RBFOX1: variants seen among roughly 807,000 people sequenced by gnomAD.
RBFOX1 encodes RNA binding protein fox-1 homolog 1.
Under a neutral mutation model 57.7 loss-of-function variants are expected in RBFOX1, and 8 were observed. The observed-to-expected ratio is 0.14, with a 90% CI of 0.08 to 0.25. The LOEUF (loss-of-function observed/expected upper bound fraction) is 0.25. RBFOX1 is among the 10% of genes least tolerant of loss of function. The pLI, the probability that RBFOX1 is intolerant of heterozygous loss-of-function variation, is 1.00. For missense variants in RBFOX1, 611 were observed against 548.5 expected (o/e 1.11, Z -1.14); for synonymous variants, 326 against 222.4 (o/e 1.47, Z -4.15).
At chr16:5,459,792 C>T (rs1004395375) in intron 1 of RBFOX1, among the ~76,000 whole-genome samples, 5 of 152,102 alleles carry the variant, frequency 3.3e-5, no homozygotes, top group African/African-American at 1.2e-4. Context: ...AGCAAGTCCT[C>T]TTGATTCTGA....
chr16:7,153,683 G>A (rs1301851770), intron 4 of RBFOX1, among the ~76,000 whole-genome samples: 1 of 148,250 alleles, frequency 6.7e-6, no homozygotes, highest in African/African-American at 2.5e-5. Flanking sequence ...CCTGAAGTCG[G>A]AGGTTGCATT....
chr16:6,295,775 T>C (rs2078032870), intron 1 of RBFOX1, among the ~76,000 whole-genome samples: 1 of 152,296 alleles, frequency 6.6e-6, no homozygotes, highest in South Asian at 2.1e-4. Context: ...GAGGAAAACG[T>C]GCAGAGCCCG....
chr16:6,088,839 G>A (rs1459255766), intron 1 of RBFOX1, among the ~76,000 whole-genome samples: 1 of 152,140 alleles, frequency 6.6e-6, no homozygotes, highest in African/African-American at 2.4e-5. Context: ...GCTCATGCCT[G>A]TAATCCCAGC....
intron 4 of RBFOX1, among the ~76,000 whole-genome samples, chr16:7,495,979 A>G (rs1218559730): frequency 6.6e-6 from 1 of 152,200 alleles, no homozygotes; most frequent in Non-Finnish European, 1.5e-5. Context: ...GATTCTTAAT[A>G]AGTACTTCCA....
At chr16:7,015,367 A>G (rs953330428) in intron 3 of RBFOX1, among the ~76,000 whole-genome samples, 1 of 152,150 alleles carries the variant, frequency 6.6e-6, no homozygotes, top group Non-Finnish European at 1.5e-5. Context: ...TGGGCATCAG[A>G]ACCACCTCAG....
chr16:7,461,326 C>T (rs543944870), intron 4 of RBFOX1, among the ~76,000 whole-genome samples: 18 of 152,010 alleles, frequency 1.2e-4, no homozygotes, highest in African/African-American at 4.1e-4. Flanking sequence ...TGCCACCACA[C>T]CCGGCTAATT....
At chr16:7,062,891 C>T (rs1485113082) in intron 4 of RBFOX1, among the ~76,000 whole-genome samples, 1 of 21,632 alleles carries the variant, frequency 4.6e-5, no homozygotes, top group African/African-American at 2.5e-4. Context: ...CAAATGATCG[C>T]CATTTTTTTT....
chr16:7,196,687 A>T (rs2086784384), intron 4 of RBFOX1, among the ~76,000 whole-genome samples: 2 of 152,310 alleles, frequency 1.3e-5, no homozygotes, highest in South Asian at 4.1e-4. Context: ...AGTAAAATGC[A>T]AAGGCATCTG....
chr16:7,591,615 G>A (rs545925042), intron 7 of RBFOX1, among the ~76,000 whole-genome samples: 27 of 152,218 alleles, frequency 1.8e-4, no homozygotes, highest in African/African-American at 6.5e-4. Context: ...CAGGGCACAG[G>A]CCACCAATCT....
At chr16:5,997,982 C>T (rs186565329) in intron 4 of RBFOX1, among the ~76,000 whole-genome samples, 8 of 152,254 alleles carry the variant, frequency 5.3e-5, no homozygotes, top group East Asian at 3.9e-4. Context: ...TAGGAAAAGC[C>T]GTAACATTGG....
Position 7,437,445 on chromosome 16 carries a change from G to A in RBFOX1, c.28-80702G>A, listed in dbSNP as rs2098732038. On this transcript the variant is annotated intron_variant, in intron 4 of 15. Transcript: ENST00000550418. Reference sequence around the variant, plus strand: ...ATGTTAATAGAGACAAAAGGACACTGTTGGCGCGTTATTAATGTTAAAAAT... The same window carrying A: ...ATGTTAATAGAGACAAAAGGACACTATTGGCGCGTTATTAATGTTAAAAAT... Among the ~76,000 whole-genome samples, 4 of 152,236 alleles carry A rather than the reference G, an allele frequency of 2.6e-5. No homozygotes were observed. In the South Asian group the frequency reaches 6.2e-4, roughly 24 times the overall value.
At chr16:5,590,045 TTACA>T (rs1054520392) in intron 2 of RBFOX1, among the ~76,000 whole-genome samples, 2 of 57,628 alleles carry the variant, frequency 3.5e-5, no homozygotes, top group African/African-American at 1.5e-4. Context: ...AGTCTGCGTG[TTACA>T]CACACACACA....
rs188276518 is a variant in RBFOX1, at chr16:6,972,694, T to C, written c.-15-79363T>C. Among the ~76,000 whole-genome samples, 37 of 152,156 alleles carry C rather than the reference T, an allele frequency of 2.4e-4. No individual in the cohort carries two copies. The East Asian group carries it at 5.8e-3, about 24-fold the overall frequency. On this transcript the variant is annotated intron_variant, in intron 3 of 15. Transcript: ENST00000550418. ...AACCTGAGTGGAGGGCTGGCCTTGATAGAGATGGAGGCAGAGGTGGTCTCA... is the reference window on the plus strand; with the variant it reads ...AACCTGAGTGGAGGGCTGGCCTTGACAGAGATGGAGGCAGAGGTGGTCTCA...
intron 3 of RBFOX1, among the ~76,000 whole-genome samples, chr16:5,858,579 A>T (rs1316915223): frequency 6.6e-6 from 1 of 152,246 alleles, no homozygotes; most frequent in African/African-American, 2.4e-5. Context: ...GCCGAGCACC[A>T]TAAGTAAAAC....
chr16:7,620,126 C>G (rs761050538), intron 10 of RBFOX1, among the ~76,000 whole-genome samples: 8 of 152,168 alleles, frequency 5.3e-5, no homozygotes, highest in Admixed American at 1.3e-4. Flanking sequence ...TTTCTGAAAA[C>G]CAAAGTAAGT....
At chr16:6,671,480 A>T (rs370280753) in intron 3 of RBFOX1, among the ~76,000 whole-genome samples, 9 of 152,362 alleles carry the variant, frequency 5.9e-5, no homozygotes, top group East Asian at 5.8e-4. Context: ...GTAAGACATA[A>T]TAGAAGAATA....
At chr16:5,466,923 G>C (rs1237639106) in intron 1 of RBFOX1, among the ~76,000 whole-genome samples, 1 of 152,082 alleles carries the variant, frequency 6.6e-6, no homozygotes, top group Non-Finnish European at 1.5e-5. Flanking sequence ...TTATCATTCT[G>C]ATCTGATCTT....
intron 4 of RBFOX1, among the ~76,000 whole-genome samples, chr16:7,164,166 C>G (rs1440138844): frequency 2.0e-5 from 3 of 152,140 alleles, no homozygotes; most frequent in Non-Finnish European, 4.4e-5. Flanking sequence ...ATTCTTACGT[C>G]TTTGCGTCCT....
At chr16:5,681,455 C>G (rs556968306) in intron 3 of RBFOX1, among the ~76,000 whole-genome samples, 54 of 146,744 alleles carry the variant, frequency 3.7e-4, no homozygotes, top group Non-Finnish European at 6.8e-4. Flanking sequence ...ATGGTGTGAT[C>G]TCAGCTCACT....
Sources: allele counts gnomAD v4.1 joint callset (sites outside exome capture counted in the v4.1 genomes callset), GRCh38; gene constraint gnomAD v4.1.1; transcripts MANE v1.5; gene names NCBI Gene and HGNC (gene_info 2026-07-23, HGNC 2026-07-21).